The following STK36 variants were observed in gnomAD, a reference collection of about 807,000 sequenced individuals.
STK36 encodes the protein serine/threonine-protein kinase 36.
In STK36, 116 loss-of-function variants were observed where a neutral mutation model predicts 142.2. That is an observed-to-expected ratio of 0.82 (90% CI 0.70 to 0.95). The LOEUF (loss-of-function observed/expected upper bound fraction) is 0.95, where lower values mean the gene tolerates loss of function less well. STK36 is among the 40% of genes least tolerant of loss of function. The pLI is 0.00. For synonymous variants in STK36, 619 were observed against 641.7 expected, an observed-to-expected ratio of 0.96 and a Z score of 0.53; for missense variants, 1,422 against 1,617.2, an observed-to-expected ratio of 0.88 and a Z score of 2.07.
At position 218,676,202 on chromosome 2, in the gene STK36, C is replaced by G; in HGVS notation, c.608C>G (p.Thr203Arg). 6.2e-7 allele frequency: 1 copy of G among 1,614,210 alleles called. No homozygotes were observed. ...LAVGTPPFYA[T>R]SIFQLVSLIL... The stretch of plus-strand genomic sequence containing the variant: ...GTAGGCACCCCTCCCTTCTATGCTA[C>G]AAGCATCTTTCAGCTGGTCAGCCTC... Residue 203 changes from threonine (T) to arginine (R), a missense_variant, in exon 6 of 27, where the codon ACA becomes AGA. Physicochemically the swap from Thr to Arg is moderately conservative, Grantham distance 71. Transcript: ENST00000295709.
Position 218,679,540 on chromosome 2 carries a change from C to T in STK36, c.779-20C>T, listed in dbSNP as rs762855881. On this transcript the variant is annotated intron_variant, in intron 7 of 26. Coordinates refer to ENST00000295709, the MANE Select transcript of STK36 (RefSeq NM_015690.5). ...CTATGGCCCCCATGATCATGTCTTC[C>T]TCCTCTTCCCTCCCTGCAGTAATAA... is the stretch of plus-strand genomic sequence containing the variant. The T allele has an allele frequency of 5.0e-6, 8 of 1,605,854 alleles. No homozygotes were observed. Among genetic ancestry groups the T allele is most frequent in the Non-Finnish European group, 6.8e-6 (8 of 1,175,540 alleles).
chr2:218,681,968 C>A (rs1420016047), intron 10 of STK36, among the ~76,000 whole-genome samples: 5 of 152,112 alleles, frequency 3.3e-5, no homozygotes, highest in Admixed American at 3.3e-4. Flanking sequence ...GCTCTTGTTG[C>A]CCAGGCTGGA....
chr2:218,681,285 C>T lies in STK36; in HGVS notation c.1236+583C>T, dbSNP rs1416279524. On this transcript the variant is annotated intron_variant, in intron 10 of 26. Transcript: ENST00000295709. Reference sequence around the variant, plus strand: ...GGGATTACAGGTGCCCACCACCACACGTGGCTAATTTTGGTATTTTTAATA... The same window carrying T: ...GGGATTACAGGTGCCCACCACCACATGTGGCTAATTTTGGTATTTTTAATA... Among the ~76,000 whole-genome samples the T allele has an allele frequency of 4.6e-5, 7 of 152,042 alleles. No homozygotes were observed. In the East Asian group the frequency reaches 5.8e-4, roughly 13 times the overall value.
At chr2:218,701,454 A>G (rs1053362107) in intron 26 of STK36, among the ~76,000 whole-genome samples, 3 of 152,004 alleles carry the variant, frequency 2.0e-5, no homozygotes, top group Admixed American at 6.6e-5. Flanking sequence ...TGAAGATCCT[A>G]TAGGAATCTT....
rs1208059244 is a variant in STK36, at chr2:218,701,879, T to C, written c.3818T>C (p.Leu1273Pro). The change falls in exon 27 of 27, where the codon CTG becomes CCG. Residue 1273 changes from leucine to proline, a missense_variant. Leu to Pro is a moderately conservative substitution (Grantham distance 98, BLOSUM62 -3). Around this residue, in one of 2 missense-constraint regions of STK36, gnomAD observed 962 missense variants for 1,167.5 expected, o/e 0.82. Transcript: ENST00000295709. ...EPGIHQVLVS[L>P]GASEKLSLLS... ...TCTATCCTACAGGTACTGGTGTCCC[T>C]GGGTGCCAGTGAGAAACTATCCTTG... 2 of 1,614,156 alleles carry C rather than the reference T, an allele frequency of 1.2e-6. No individual in the cohort carries two copies. The highest frequency in any genetic ancestry group is 1.1e-5 in the South Asian group (1 of 91,080).
chr2:218,694,151 C>T lies in STK36; in HGVS notation c.2337-113C>T. ...GACCTAGACTCCCATCAACTTTGTG[C>T]CTTGGAGGTAGACATGCAGCCTAGG... is the stretch of plus-strand genomic sequence containing the variant. On this transcript the variant is annotated intron_variant, in intron 19 of 26. Transcript: ENST00000295709. This position sits in a 1 kb window ranked among gnomAD's most constrained non-coding sequence, Gnocchi z 4.4. 8.4e-7 allele frequency: 1 copy of T among 1,196,326 alleles called. No individual in the cohort carries two copies. The highest frequency in any genetic ancestry group is 1.2e-6 in the Non-Finnish European group (1 of 807,060). The allele number at this position is 1,196,326 out of a possible 1,614,324, so 74.1% of individuals were successfully genotyped here. A position where few individuals can be genotyped will look rare whatever the true frequency, so the allele number is the denominator to read the frequency against.
intron 26 of STK36, among the ~76,000 whole-genome samples, chr2:218,701,136 C>CTTT (rs35602378): frequency 1.4e-5 from 2 of 142,786 alleles, no homozygotes; most frequent in African/African-American, 2.6e-5. Context: ...TGGTGAAGAT[C>CTTT]TTTTTTTTTT....
At position 218,694,372 on chromosome 2, in the gene STK36, C is replaced by CAAGGGG. The variant is rs1941142769; in HGVS notation, c.2400+45_2400+46insAAGGGG. 3.2e-6 allele frequency: 5 copies of CAAGGGG among 1,578,406 alleles called. No homozygotes were observed. In the South Asian group the frequency reaches 5.5e-5, roughly 17 times the overall value. On this transcript the variant is annotated intron_variant, in intron 20 of 26. Transcript: ENST00000295709. The surrounding 1 kb of genome is among the most constrained non-coding windows in gnomAD (Gnocchi z 4.4). ...CCTCCTCCCCTTTTCACCCTAGCAT[C>CAAGGGG]TACCCCTTGTGGAAGTGGGGGAGTC...
chr2:218,694,236 C>A lies in STK36; in HGVS notation c.2337-28C>A, dbSNP rs764038487. Reference sequence around the variant, plus strand: ...TTACCAACCTCCTTTAATACTGCTGCATCCCTTGATGTATCTCTTTATTCC... The same window carrying A: ...TTACCAACCTCCTTTAATACTGCTGAATCCCTTGATGTATCTCTTTATTCC... On this transcript the variant is annotated intron_variant, in intron 19 of 26. Coordinates refer to ENST00000295709, the MANE Select transcript of STK36 (RefSeq NM_015690.5). The surrounding 1 kb of genome is among the most constrained non-coding windows in gnomAD (Gnocchi z 4.4). The A allele has an allele frequency of 3.1e-5, 50 of 1,592,444 alleles. No homozygotes were observed. The South Asian group carries it at 5.4e-4, about 17-fold the overall frequency.
In STK36 at chr2:218,673,867, TTC is replaced by T. The variant is rs1940106058; in HGVS notation, c.226-6_226-5del. 21 of 1,614,178 alleles carry T rather than the reference TTC, an allele frequency of 1.3e-5. No homozygotes were observed. Among genetic ancestry groups the T allele is most frequent in the Non-Finnish European group, 1.6e-5 (19 of 1,180,034 alleles). On this transcript the variant is annotated splice_polypyrimidine_tract_variant and intron_variant, in intron 3 of 26. Coordinates refer to ENST00000295709, the MANE Select transcript of STK36 (RefSeq NM_015690.5). The stretch of plus-strand genomic sequence containing the variant: ...ATCTGGAGCCATCAGTGCCACTGCC[TTC>T]TCTCTGTAGGTGGTGGTGGTGACAG...
chr2:218,690,390 C>A, intron 13 of STK36, 60 bp from the exon 14 acceptor site: 1 of 1,407,626 alleles, frequency 7.1e-7, no homozygotes, highest in Non-Finnish European at 1.0e-6. Flanking sequence ...CTGACCCATT[C>A]ACCACATCCA....
intron 24 of STK36, 98 bp from the exon 25 acceptor site, chr2:218,697,756 T>C: frequency 1.3e-6 from 2 of 1,596,626 alleles, no homozygotes; most frequent in African/African-American, 1.3e-5. Flanking sequence ...TGGCTGAGAC[T>C]GTAGAAGGGG....
At chr2:218,680,324 A>T (rs1940458752) in intron 9 of STK36, among the ~76,000 whole-genome samples, 1 of 152,236 alleles carries the variant, frequency 6.6e-6, no homozygotes, top group African/African-American at 2.4e-5. Context: ...GGAAAGGATC[A>T]TCTCCATCCA....
chr2:218,695,369 G>A (rs1004093488), intron 21 of STK36, among the ~76,000 whole-genome samples: 3 of 150,806 alleles, frequency 2.0e-5, no homozygotes, highest in African/African-American at 7.3e-5. Flanking sequence ...GGGATTACAG[G>A]CATGCACCAC....
At position 218,673,765 on chromosome 2, in the gene STK36, GGT is replaced by G. The variant is rs754807843; in HGVS notation, c.225+4_225+5del. On this transcript the variant is annotated splice_donor_variant, in intron 3 of 26. Coordinates refer to ENST00000295709, the MANE Select transcript of STK36 (RefSeq NM_015690.5). LOFTEE classifies it high-confidence loss of function. ...TTGACAGCTTTGAAACTGATAAAGA[GGT>G]GTGCTTTGACAGTTTTGGGCCCTGT... is the stretch of plus-strand genomic sequence containing the variant. 1.2e-5 allele frequency: 20 copies of G among 1,613,742 alleles called. No homozygotes were observed. Among genetic ancestry groups the G allele is most frequent in the African/African-American group, 4.0e-5 (3 of 74,910 alleles).
chr2:218,684,108 T>G (rs1315230114), intron 10 of STK36, among the ~76,000 whole-genome samples: 2 of 116,262 alleles, frequency 1.7e-5, no homozygotes, highest in Non-Finnish European at 3.1e-5. Context: ...CTCACGATCT[T>G]TTTTTTTTTT....
rs1940886041 is a variant in STK36 at position 218,688,896 on chromosome 2, C to G, written c.1560+20C>G. On this transcript the variant is annotated intron_variant, in intron 12 of 26. Coordinates refer to ENST00000295709, the MANE Select transcript of STK36 (RefSeq NM_015690.5). ...CAGCAGGTAAGCACCAGGCCAGAAG[C>G]CTCTGAAGACTTACAGAGGTTCTTT... is the stretch of plus-strand genomic sequence containing the variant. The G allele has an allele frequency of 8.3e-6, 13 of 1,572,028 alleles. No homozygotes were observed. The East Asian group carries it at 3.0e-4, about 36-fold the overall frequency.
intron 13 of STK36, 145 bp from the exon 14 acceptor site, chr2:218,690,303 ATG>A (rs1011857998): frequency 1.3e-4 from 93 of 699,590 alleles, no homozygotes; most frequent in Admixed American, 1.5e-4. Context: ...TGGAGGGTGT[ATG>A]TGTGTGTGTG....
chr2:218,685,044 T>TA, intron 10 of STK36, 41 bp from the exon 11 acceptor site: 1 of 1,612,438 alleles, frequency 6.2e-7, no homozygotes. Context: ...ACCTTAGACT[T>TA]ACACACTACT....
Sources: gnomAD v4.1 joint callset for allele counts (sites outside exome capture counted in the v4.1 genomes callset) on GRCh38, gnomAD v4.1.1 for gene constraint, gnomAD v4.1.1 regional missense constraint, Gnocchi (gnomAD v3.1) non-coding constraint, MANE v1.5 for transcripts, NCBI Gene and HGNC (gene_info 2026-07-23, HGNC 2026-07-21) for gene names.